The following FHDC1 variants were observed in gnomAD, a reference collection of about 807,000 sequenced individuals.
The protein encoded by FHDC1 is FH2 domain-containing protein 1.
FHDC1 carries 25 observed loss-of-function variants against 52.6 expected under a neutral mutation model. That is an observed-to-expected ratio of 0.48 (90% CI 0.35 to 0.66). The LOEUF (loss-of-function observed/expected upper bound fraction) is 0.66. Among genes scored for constraint, FHDC1 ranks in the 30% least tolerant of loss-of-function variants. FHDC1 has a pLI of 0.01. For synonymous variants in FHDC1, 616 were observed against 581.5 expected (o/e 1.06, Z -0.85); for missense variants, 1,459 against 1,452.8 (o/e 1.00, Z -0.07).
At chr4:152,919,406 G>A in the FHDC1 span, among the ~76,000 whole-genome samples, 1 of 152,230 alleles carries the variant, frequency 6.6e-6, no homozygotes, top group East Asian at 1.9e-4. Flanking sequence ...AGACTGGAAT[G>A]TCTTAATTCT....
chr4:152,924,497 A>T, the FHDC1 span, among the ~76,000 whole-genome samples: 3 of 152,242 alleles, frequency 2.0e-5, no homozygotes, highest in East Asian at 3.8e-4. Flanking sequence ...CGACCCAGCC[A>T]TCCCATTACT....
In FHDC1 at chr4:152,975,067, G is replaced by C. The variant is rs768564390; in HGVS notation, c.1776G>C (p.Arg592Ser). The change falls in exon 12 of 12, where the codon AGG (arginine) becomes AGC (serine). Residue 592 changes from arginine (R) to serine (S), a missense_variant. By Grantham distance (110) the Arg-to-Ser change is moderately radical. Around this residue, in one of 3 missense-constraint regions of FHDC1, gnomAD observed 939 missense variants for 854.5 expected, o/e 1.10. Transcript: ENST00000511601. ...TIACLEPAEV[R>S]HQDSSFAHKP... ...CCTGCCTGGAGCCTGCAGAAGTGAGGCACCAGGACTCCAGCTTTGCACACA... is the reference window on the plus strand; with the variant it reads ...CCTGCCTGGAGCCTGCAGAAGTGAGCCACCAGGACTCCAGCTTTGCACACA... 17 of 1,612,168 alleles carry C rather than the reference G, an allele frequency of 1.1e-5. No homozygotes were observed. The highest frequency in any genetic ancestry group is 1.4e-5 in the Non-Finnish European group (17 of 1,179,632).
the FHDC1 span, among the ~76,000 whole-genome samples, chr4:152,926,267 G>GACACACAC: frequency 0.049 from 7,027 of 144,392 alleles, 232 homozygotes; most frequent in Non-Finnish European, 0.066. Context: ...TTAAAATACA[G>GACACACAC]ACACACACAC....
At chr4:152,926,303 C>CACACACAT in the FHDC1 span, among the ~76,000 whole-genome samples, 2,040 of 141,144 alleles carry the variant, frequency 0.014, 23 homozygotes, top group South Asian at 0.052. Flanking sequence ...CACACACACA[C>CACACACAT]AAACAATACA....
chr4:152,964,981 C>G lies in FHDC1; in HGVS notation c.1100+6C>G. 6.2e-7 allele frequency: 1 copy of G among 1,604,268 alleles called. No individual in the cohort carries two copies. Among genetic ancestry groups the G allele is most frequent in the Non-Finnish European group, 8.5e-7 (1 of 1,176,190 alleles). ...CATGTTCAGAAGACTGCTAGGTGAG[C>G]AAGTGAATTGTGAGAATTCAAGATT... On this transcript the variant is annotated splice_donor_region_variant and intron_variant, in intron 9 of 11. Transcript: ENST00000511601.
At chr4:152,968,585 C>T (rs917720678) in intron 10 of FHDC1, among the ~76,000 whole-genome samples, 4 of 152,188 alleles carry the variant, frequency 2.6e-5, no homozygotes, top group East Asian at 1.9e-4. Context: ...CTCACTGGGC[C>T]TCCCAAAGTG....
In FHDC1 at chr4:152,954,304, G is replaced by A. The variant is rs145381799; in HGVS notation, c.648G>A (p.Leu216=). 2.3e-4 allele frequency: 364 copies of A among 1,613,916 alleles called. No individual in the cohort carries two copies. The African/African-American group carries it at 4.5e-3, about 20-fold the overall frequency. Residue 216 remains leucine, a synonymous_variant, in exon 4 of 12, where the codon TTG becomes TTA. Transcript: ENST00000511601. The part of the protein sequence containing the change: ...SETLREFLKF[L]PESEEVKKLK... ...CCTTGCGAGAATTTCTTAAGTTTTT[G>A]CCAGAGTCAGAAGAGGTAAGAAATT... is the stretch of plus-strand genomic sequence containing the variant.
At chr4:152,921,426 A>G in the FHDC1 span, among the ~76,000 whole-genome samples, 1 of 152,146 alleles carries the variant, frequency 6.6e-6, no homozygotes, top group African/African-American at 2.4e-5. Context: ...TATTTTACCC[A>G]GATTACTTAT....
intron 11 of FHDC1, among the ~76,000 whole-genome samples, chr4:152,974,233 A>G (rs1305391240): frequency 1.3e-5 from 2 of 152,168 alleles, no homozygotes; most frequent in Admixed American, 6.5e-5. Flanking sequence ...TTTCTCAGCT[A>G]TTGCCTATAT....
At chr4:152,937,565 C>G (rs1739427559) in intron 1 of FHDC1, among the ~76,000 whole-genome samples, 1 of 151,762 alleles carries the variant, frequency 6.6e-6, no homozygotes, top group African/African-American at 2.4e-5. Flanking sequence ...CTGCAGCCGC[C>G]GGACGGGAGA....
chr4:152,950,709 G>A (rs1739899511), intron 2 of FHDC1, among the ~76,000 whole-genome samples: 1 of 152,132 alleles, frequency 6.6e-6, no homozygotes. Flanking sequence ...GGTCACCAGG[G>A]GACTTGGCCA....
chr4:152,918,885 T>C, the FHDC1 span, among the ~76,000 whole-genome samples: 1 of 152,254 alleles, frequency 6.6e-6, no homozygotes, highest in Admixed American at 6.5e-5. Context: ...TCATGAGTAT[T>C]TGCTGAATGG....
chr4:152,976,782 C>T lies in FHDC1; in HGVS notation c.*59C>T. ...AGACGGTGAAGACTGACTTCTGGGA[C>T]GAGGATGGGGAAAGAGGCAGCATGT... On this transcript the variant is annotated 3_prime_UTR_variant, in exon 12 of 12. Coordinates refer to ENST00000511601, the MANE Select transcript of FHDC1 (RefSeq NM_001371116.1). 2 of 1,440,488 alleles carry T rather than the reference C, an allele frequency of 1.4e-6. No homozygotes were observed. The highest frequency in any genetic ancestry group is 1.8e-6 in the Non-Finnish European group (2 of 1,092,618). The allele number at this position is 1,440,488 out of a possible 1,614,324, so 89.2% of individuals were successfully genotyped here.
intron 2 of FHDC1, among the ~76,000 whole-genome samples, chr4:152,949,164 A>AAGAAGC (rs1739846639): frequency 2.2e-5 from 3 of 138,336 alleles, no homozygotes; most frequent in Non-Finnish European, 4.8e-5. Context: ...GAAGAAGAAG[A>AAGAAGC]AGAAGAAGCA....
At chr4:152,937,982 C>A (rs898497211) in intron 1 of FHDC1, among the ~76,000 whole-genome samples, 3 of 152,102 alleles carry the variant, frequency 2.0e-5, no homozygotes, top group Admixed American at 2.0e-4. Context: ...TACTACGTAT[C>A]CAAACTTGAA....
intron 1 of FHDC1, among the ~76,000 whole-genome samples, chr4:152,940,080 T>C (rs939695076): frequency 2.0e-5 from 3 of 152,244 alleles, no homozygotes; most frequent in African/African-American, 7.2e-5. Context: ...CGTTCTTTTG[T>C]GTATTCTCTA....
chr4:152,937,382 A>G (rs531417730), intron 1 of FHDC1, among the ~76,000 whole-genome samples: 1 of 151,532 alleles, frequency 6.6e-6, no homozygotes, highest in African/African-American at 2.4e-5. Flanking sequence ...CTCCCACCCA[A>G]CTTCTGGGCG....
At chr4:152,938,526 G>C (rs912576385) in intron 1 of FHDC1, among the ~76,000 whole-genome samples, 3 of 152,050 alleles carry the variant, frequency 2.0e-5, no homozygotes, top group Admixed American at 6.6e-5. Flanking sequence ...TAGTGGAGTG[G>C]GAGTAAAAAT....
At chr4:152,919,610 T>C in the FHDC1 span, among the ~76,000 whole-genome samples, 1 of 152,226 alleles carries the variant, frequency 6.6e-6, no homozygotes, top group Non-Finnish European at 1.5e-5. Context: ...TAACATAGAA[T>C]GCTTGACTCT....
Sources: allele counts gnomAD v4.1 joint callset (sites outside exome capture counted in the v4.1 genomes callset), GRCh38; gene constraint gnomAD v4.1.1; regional missense constraint gnomAD v4.1.1; transcripts MANE v1.5; gene names NCBI Gene and HGNC (gene_info 2026-07-23, HGNC 2026-07-21).